IL1RAP: variants seen among roughly 807,000 people sequenced by gnomAD.
The protein encoded by IL1RAP is interleukin 1 receptor accessory protein, also known as interleukin-1 receptor accessory protein.
IL1RAP carries 35 observed loss-of-function variants against 60.7 expected under a neutral mutation model. The observed-to-expected ratio is 0.58, with a 90% CI of 0.44 to 0.76. The LOEUF (loss-of-function observed/expected upper bound fraction) is 0.76. Among genes scored for constraint, IL1RAP ranks in the 30% least tolerant of loss-of-function variants. The pLI is 0.00. For synonymous variants in IL1RAP, 268 were observed against 250.9 expected (o/e 1.07, Z -0.64); for missense variants, 572 against 693.9 (o/e 0.82, Z 1.97).
In IL1RAP at chr3:190,609,006, AT is replaced by A. The variant is rs1730597862; in HGVS notation, c.364del (p.Cys122AlafsTer21). 1 of 1,612,782 alleles carries A rather than the reference AT, an allele frequency of 6.2e-7. No homozygotes were observed. The highest frequency in any genetic ancestry group is 8.5e-7 in the Non-Finnish European group (1 of 1,179,350). On this transcript the variant is annotated frameshift_variant, in exon 5 of 12. Coordinates refer to ENST00000447382, the MANE Select transcript of IL1RAP (RefSeq NM_002182.4). LOFTEE classifies it high-confidence loss of function. Reference sequence around the variant, plus strand: ...ATTTCTTTTTTCAGGAACACTACATATTGCAGCAAAGTTGCATTTCCCTTGG... The same window carrying A: ...ATTTCTTTTTTCAGGAACACTACATATGCAGCAAAGTTGCATTTCCCTTGG... The part of the protein sequence containing the change: ...NYTCMLRNTT[Y>X]CSKVAFPLEV...
In IL1RAP at chr3:190,651,226, TAAC is replaced by T. The variant is rs1734379218; in HGVS notation, c.*2524_*2526del. On this transcript the variant is annotated 3_prime_UTR_variant, in exon 12 of 12. Transcript: ENST00000447382. ...CTATAGGGACGTTCCATGCCCAGGT[TAAC>T]AAAGAACTGTGATATATAGAGTGTC... The T allele has an allele frequency of 2.0e-6, 2 of 980,412 alleles. No homozygotes were observed. Among genetic ancestry groups the T allele is most frequent in the Non-Finnish European group, 2.4e-6 (2 of 825,402 alleles). 60.7% of individuals were successfully genotyped at this position (980,412 alleles called of 1,614,324 possible).
In IL1RAP at chr3:190,546,640, C is replaced by T. The variant is rs562929810; in HGVS notation, c.-88-9490C>T. On this transcript the variant is annotated intron_variant, in intron 1 of 11. Coordinates refer to ENST00000447382, the MANE Select transcript of IL1RAP (RefSeq NM_002182.4). ...AGAAATTATTATTCTCCCCATTTTG[C>T]AGATGGGAGAAGTAAGTCACCAAGA... Among the ~76,000 whole-genome samples the T allele has an allele frequency of 2.0e-5, 3 of 152,316 alleles. No individual in the cohort carries two copies. The East Asian group carries it at 5.8e-4, about 29-fold the overall frequency.
At chr3:190,616,722 A>G (rs1731306987) in intron 5 of IL1RAP, among the ~76,000 whole-genome samples, 1 of 152,136 alleles carries the variant, frequency 6.6e-6, no homozygotes, top group Admixed American at 6.5e-5. Context: ...CCAATGTCTT[A>G]TATTCCAAAT....
At chr3:190,530,832 C>A (rs1426766448) in intron 1 of IL1RAP, among the ~76,000 whole-genome samples, 1 of 152,112 alleles carries the variant, frequency 6.6e-6, no homozygotes, top group East Asian at 1.9e-4. Flanking sequence ...AGTTACAGAC[C>A]ACTTACATGT....
At chr3:190,630,217 G>A in intron 9 of IL1RAP, 2 of 784,932 alleles carry the variant, frequency 2.5e-6, no homozygotes, top group Non-Finnish European at 3.1e-6. Flanking sequence ...TTTCTATGTT[G>A]ATAGTACTAT....
Position 190,648,344 on chromosome 3 carries a change from C to G in IL1RAP, c.1352C>G (p.Thr451Arg). The G allele has an allele frequency of 1.3e-6, 2 of 1,581,186 alleles. No individual in the cohort carries two copies. The highest frequency in any genetic ancestry group is 1.7e-6 in the Non-Finnish European group (2 of 1,169,924). ...DRDSLPGGIV[T>R]DETLSFIQKS... ...TGGTTGTTTTCTTTCCCAGTTGTCA[C>G]AGATGAGACTTTGAGCTTCATTCAG... The change falls in exon 12 of 12, where the codon ACA (threonine) becomes AGA (arginine). Residue 451 changes from threonine to arginine, a missense_variant. Physicochemically the swap from Thr to Arg is moderately conservative, Grantham distance 71. Coordinates refer to ENST00000447382, the MANE Select transcript of IL1RAP (RefSeq NM_002182.4).
chr3:190,582,364 G>T (rs1728076773), intron 3 of IL1RAP, among the ~76,000 whole-genome samples: 1 of 148,896 alleles, frequency 6.7e-6, no homozygotes, highest in African/African-American at 2.5e-5. Flanking sequence ...TTTTTGCCCA[G>T]GCTGGAGTTC....
intron 1 of IL1RAP, among the ~76,000 whole-genome samples, chr3:190,553,934 G>C (rs890723994): frequency 1.3e-5 from 2 of 150,642 alleles, no homozygotes; most frequent in Non-Finnish European, 3.0e-5. Context: ...AGTGGCGGGC[G>C]CCTGTAGTCC....
intron 3 of IL1RAP, among the ~76,000 whole-genome samples, chr3:190,587,881 CTCTT>C (rs1728601490): frequency 6.6e-6 from 1 of 152,202 alleles, no homozygotes; most frequent in Admixed American, 6.5e-5. Context: ...CTCTGAACCT[CTCTT>C]TCAAACCCCA....
At chr3:190,623,724 G>C (rs1455395751) in intron 7 of IL1RAP, among the ~76,000 whole-genome samples, 1 of 152,194 alleles carries the variant, frequency 6.6e-6, no homozygotes. Context: ...TGCCAAGGCT[G>C]CAACATGGGC....
At chr3:190,654,446 A>G (rs1734539271), downstream of IL1RAP, among the ~76,000 whole-genome samples, 1 of 152,078 alleles carries the variant, frequency 6.6e-6, no homozygotes, top group Admixed American at 6.5e-5. Context: ...AAGGGTTTTA[A>G]TGATAAACGA....
chr3:190,610,729 A>G (rs896710120), intron 5 of IL1RAP, among the ~76,000 whole-genome samples: 10 of 152,192 alleles, frequency 6.6e-5, no homozygotes, highest in African/African-American at 2.4e-4. Context: ...AGAGAAATAA[A>G]AAATTCCACA....
In IL1RAP at chr3:190,648,811, A is replaced by G. The variant is rs963191520; in HGVS notation, c.*106A>G. The G allele has an allele frequency of 4.8e-6, 7 of 1,467,986 alleles. No individual in the cohort carries two copies. The African/African-American group carries it at 5.7e-5, about 12-fold the overall frequency. 90.9% of individuals were successfully genotyped at this position (1,467,986 alleles called of 1,614,324 possible). On this transcript the variant is annotated 3_prime_UTR_variant, in exon 12 of 12. Transcript: ENST00000447382. ...GTTTCATAGGCAAAAATAATGGTCT[A>G]AGCCTCCCAATAGGGATAAATTTAG...
rs1459490183 is a variant in IL1RAP, at chr3:190,649,861, T to C, written c.*1156T>C. 1.0e-6 allele frequency: 1 copy of C among 985,178 alleles called. No individual in the cohort carries two copies. Among genetic ancestry groups the C allele is most frequent in the Non-Finnish European group, 1.2e-6 (1 of 829,850 alleles). 61.0% of individuals were successfully genotyped at this position (985,178 alleles called of 1,614,324 possible). A position where few individuals can be genotyped will look rare whatever the true frequency, so the allele number is the denominator to read the frequency against. On this transcript the variant is annotated 3_prime_UTR_variant, in exon 12 of 12. Coordinates refer to ENST00000447382, the MANE Select transcript of IL1RAP (RefSeq NM_002182.4). ...TGTTTTGTTTGTTTTCAGTAATATT[T>C]TGCTGTTTTTAAGACTTGGAAAACT...
chr3:190,599,266 G>A (rs916901163), intron 3 of IL1RAP, among the ~76,000 whole-genome samples: 2 of 151,938 alleles, frequency 1.3e-5, no homozygotes, highest in Admixed American at 6.6e-5. Context: ...CATTTTTGTG[G>A]CACACATCCC....
At position 190,604,307 on chromosome 3, in the gene IL1RAP, C is replaced by A; in HGVS notation, c.244C>A (p.Pro82Thr). The A allele has an allele frequency of 1.2e-6, 2 of 1,613,944 alleles. No homozygotes were observed. The highest frequency in any genetic ancestry group is 1.7e-6 in the Non-Finnish European group (2 of 1,179,970). ...TAGGCAGGACCGGGACCTTGAGGAGCCAATTAACTTCCGCCTCCCCGAGAA... is the reference window on the plus strand; with the variant it reads ...TAGGCAGGACCGGGACCTTGAGGAGACAATTAACTTCCGCCTCCCCGAGAA... Reference protein sequence around the residue: ...WTRQDRDLEEPINFRLPENRI... With the variant: ...WTRQDRDLEETINFRLPENRI... Residue 82 changes from proline to threonine, a missense_variant, in exon 4 of 12, where the codon CCA (proline) becomes ACA (threonine). Pro to Thr is a conservative substitution (Grantham distance 38, BLOSUM62 -1). Coordinates refer to ENST00000447382, the MANE Select transcript of IL1RAP (RefSeq NM_002182.4).
At chr3:190,559,186 A>G (rs1725677898) in intron 2 of IL1RAP, among the ~76,000 whole-genome samples, 1 of 152,148 alleles carries the variant, frequency 6.6e-6, no homozygotes, top group African/African-American at 2.4e-5. Flanking sequence ...GGAGTTTGTA[A>G]TATTGCCTTA....
At chr3:190,593,944 G>A (rs1399795211) in intron 3 of IL1RAP, among the ~76,000 whole-genome samples, 1 of 152,176 alleles carries the variant, frequency 6.6e-6, no homozygotes, top group Non-Finnish European at 1.5e-5. Context: ...ATTTGTCATT[G>A]AGGAACAAAA....
At chr3:190,569,584 C>CTT (rs3841957) in intron 3 of IL1RAP, among the ~76,000 whole-genome samples, 6,283 of 148,424 alleles carry the variant, frequency 0.042, 390 homozygotes, top group African/African-American at 0.14. Context: ...GATCTCTTCA[C>CTT]TTTTTTTTTT....
Sources: allele counts gnomAD v4.1 joint callset (sites outside exome capture counted in the v4.1 genomes callset), GRCh38; gene constraint gnomAD v4.1.1; transcripts MANE v1.5; gene names NCBI Gene and HGNC (gene_info 2026-07-23, HGNC 2026-07-21).